The following NDUFAF7 variants were observed in gnomAD, a reference collection of about 807,000 sequenced individuals.
NDUFAF7 encodes the protein NADH:ubiquinone oxidoreductase complex assembly factor 7.
NDUFAF7 carries 48 observed loss-of-function variants against 47.2 expected under a neutral mutation model. That is an observed-to-expected ratio of 1.02 (90% confidence interval 0.81 to 1.29). The LOEUF (loss-of-function observed/expected upper bound fraction) is 1.29. Among genes scored for constraint, NDUFAF7 ranks in the 50% most tolerant of loss-of-function variants. NDUFAF7 has a pLI of 0.00. For missense variants in NDUFAF7, 635 were observed against 537.6 expected (o/e 1.18, Z -1.79); for synonymous variants, 217 against 190.0 (o/e 1.14, Z -1.17).
chr2:37,260,491 G>A, the NDUFAF7 span: 2 of 1,014,728 alleles, frequency 2.0e-6, no homozygotes, highest in Non-Finnish European at 2.9e-6. Context: ...AAAGCCTAGA[G>A]AAGTAAACAA....
intron 3 of NDUFAF7, 89 bp downstream of exon 3, chr2:37,236,265 T>A: frequency 1.8e-6 from 2 of 1,141,382 alleles, no homozygotes; most frequent in Non-Finnish European, 2.6e-6. Context: ...GTTCTACAGC[T>A]TTTTTTGTGA....
At chr2:37,269,715 TTA>T in the NDUFAF7 span, 2 of 1,499,810 alleles carry the variant, frequency 1.3e-6, no homozygotes, top group Non-Finnish European at 1.8e-6. Flanking sequence ...GGAGTTAGTA[TTA>T]TTTATTTCTA....
chr2:37,242,563 T>TA, intron 5 of NDUFAF7, 72 bp from the exon 6 acceptor site: 1 of 1,257,194 alleles, frequency 8.0e-7, no homozygotes, highest in Non-Finnish European at 1.1e-6. Flanking sequence ...GCATTTTTTT[T>TA]ACAGTTAATA....
chr2:37,244,880 G>C (rs1666742608), intron 7 of NDUFAF7, among the ~76,000 whole-genome samples: 1 of 151,754 alleles, frequency 6.6e-6, no homozygotes, highest in African/African-American at 2.4e-5. Context: ...CTGGCCCTGG[G>C]AGTTCATTTA....
chr2:37,253,793 C>T (rs1205814997), downstream of NDUFAF7, among the ~76,000 whole-genome samples: 1 of 152,056 alleles, frequency 6.6e-6, no homozygotes, highest in Non-Finnish European at 1.5e-5. Flanking sequence ...CTAAAGCTTC[C>T]CTCCTTACTC....
intron 2 of NDUFAF7, among the ~76,000 whole-genome samples, chr2:37,235,837 T>G (rs772450634): frequency 6.6e-6 from 1 of 151,926 alleles, no homozygotes; most frequent in Non-Finnish European, 1.5e-5. Flanking sequence ...TTGTATTGTT[T>G]TTAGTAGAGA....
chr2:37,256,931 T>G, downstream of NDUFAF7: 2 of 1,613,844 alleles, frequency 1.2e-6, no homozygotes, highest in Non-Finnish European at 1.7e-6. Context: ...CAGCTTCACC[T>G]GGAAATTGAA....
chr2:37,265,560 G>A, the NDUFAF7 span, among the ~76,000 whole-genome samples: 8 of 152,090 alleles, frequency 5.3e-5, no homozygotes, highest in African/African-American at 1.9e-4. Flanking sequence ...AAGTGCATAT[G>A]GTTTGCAGAC....
At chr2:37,264,539 T>G in the NDUFAF7 span, among the ~76,000 whole-genome samples, 34 of 149,652 alleles carry the variant, frequency 2.3e-4, no homozygotes, top group Non-Finnish European at 4.2e-4. Flanking sequence ...GAGGGTGGGT[T>G]TAATGCTGAA....
chr2:37,235,166 G>A (rs953379942), intron 2 of NDUFAF7, among the ~76,000 whole-genome samples: 1 of 151,988 alleles, frequency 6.6e-6, no homozygotes, highest in Non-Finnish European at 1.5e-5. Context: ...GAGCAGATTC[G>A]GAGGTTGAGT....
chr2:37,247,677 C>G (rs1419065941), intron 9 of NDUFAF7, 48 bp downstream of exon 9: 1 of 1,595,272 alleles, frequency 6.3e-7, no homozygotes. Flanking sequence ...CATAGTATTT[C>G]AAAAATTACT....
downstream of NDUFAF7, among the ~76,000 whole-genome samples, chr2:37,255,290 A>G (rs577371700): frequency 7.0e-6 from 1 of 142,314 alleles, no homozygotes; most frequent in East Asian, 2.1e-4. Context: ...TAATCCTATG[A>G]TTAGGCCTAG....
chr2:37,242,604 A>G (rs1267117611), intron 5 of NDUFAF7, 31 bp from the exon 6 acceptor site: 1 of 1,514,172 alleles, frequency 6.6e-7, no homozygotes, highest in South Asian at 1.1e-5. Context: ...TGAAATGTGG[A>G]AACATTAATT....
At chr2:37,239,563 A>T (rs1666144759) in intron 4 of NDUFAF7, among the ~76,000 whole-genome samples, 1 of 152,250 alleles carries the variant, frequency 6.6e-6, no homozygotes, top group African/African-American at 2.4e-5. Flanking sequence ...ACAAGAAGAT[A>T]GCAGCATTGT....
chr2:37,269,336 C>T, the NDUFAF7 span: 1 of 356,526 alleles, frequency 2.8e-6, no homozygotes, highest in South Asian at 3.0e-5. Context: ...AAACCATCTC[C>T]CCCCCTGCCT....
downstream of NDUFAF7, among the ~76,000 whole-genome samples, chr2:37,258,250 AC>A (rs1475074007): frequency 6.6e-6 from 1 of 152,240 alleles, no homozygotes; most frequent in African/African-American, 2.4e-5. Context: ...GTGGACTCTG[AC>A]ACATATTTTT....
At chr2:37,263,631 G>A in the NDUFAF7 span, among the ~76,000 whole-genome samples, 1 of 151,986 alleles carries the variant, frequency 6.6e-6, no homozygotes, top group Non-Finnish European at 1.5e-5. Context: ...CATTTAATGT[G>A]TTTTCCCTTG....
At chr2:37,247,761 G>A (rs1163821056) in intron 9 of NDUFAF7, 132 bp downstream of exon 9, 75 of 1,112,790 alleles carry the variant, frequency 6.7e-5, no homozygotes, top group Non-Finnish European at 9.6e-5. Flanking sequence ...TTTTCAGGTA[G>A]TATAGGATTT....
At chr2:37,239,442 A>G (rs1156309736) in intron 4 of NDUFAF7, among the ~76,000 whole-genome samples, 1 of 152,078 alleles carries the variant, frequency 6.6e-6, no homozygotes, top group Non-Finnish European at 1.5e-5. Flanking sequence ...TTGAAAAGCT[A>G]TTGGCCATTA....
Sources: gnomAD v4.1 joint callset for allele counts (sites outside exome capture counted in the v4.1 genomes callset) on GRCh38, gnomAD v4.1.1 for gene constraint, MANE v1.5 for transcripts, NCBI Gene and HGNC (gene_info 2026-07-23, HGNC 2026-07-21) for gene names.